DENND5B: variants seen among roughly 807,000 people sequenced by gnomAD.
DENND5B encodes DENN domain-containing protein 5B.
In DENND5B, 34 loss-of-function variants were observed where a neutral mutation model predicts 140.6. The observed-to-expected ratio is 0.24, with a 90% CI of 0.18 to 0.32. The LOEUF (loss-of-function observed/expected upper bound fraction) is 0.32. DENND5B is among the 10% of genes least tolerant of loss of function. The pLI is 1.00. For synonymous variants in DENND5B, 551 were observed against 562.1 expected, an observed-to-expected ratio of 0.98 and a Z score of 0.28; for missense variants, 1,142 against 1,560.2, an observed-to-expected ratio of 0.73 and a Z score of 4.52.
intron 1 of DENND5B, among the ~76,000 whole-genome samples, chr12:31,508,555 G>A (rs915616530): frequency 1.2e-4 from 19 of 152,110 alleles, no homozygotes; most frequent in African/African-American, 2.4e-5. Context: ...TGTTAGAAAC[G>A]AGACTCACTG....
intron 1 of DENND5B, among the ~76,000 whole-genome samples, chr12:31,538,888 A>C (rs1301306589): frequency 6.6e-6 from 1 of 152,160 alleles, no homozygotes. Context: ...AACAAAACAA[A>C]AAATAAAGAT....
intron 13 of DENND5B, among the ~76,000 whole-genome samples, chr12:31,412,139 G>T (rs1367225733): frequency 1.3e-5 from 2 of 152,030 alleles, no homozygotes; most frequent in Non-Finnish European, 2.9e-5. Context: ...GTAGAGACAG[G>T]GTTGTGCCAT....
At chr12:31,425,626 T>C (rs1042407103) in intron 9 of DENND5B, among the ~76,000 whole-genome samples, 4 of 152,246 alleles carry the variant, frequency 2.6e-5, no homozygotes, top group African/African-American at 9.6e-5. Context: ...TCAGTCTTAG[T>C]AGCTTTTATA....
chr12:31,514,672 C>T (rs1427246135), intron 1 of DENND5B, among the ~76,000 whole-genome samples: 1 of 151,770 alleles, frequency 6.6e-6, no homozygotes, highest in Non-Finnish European at 1.5e-5. Flanking sequence ...AAAAAATTTG[C>T]CAGGTGTGGT....
intron 4 of DENND5B, among the ~76,000 whole-genome samples, chr12:31,456,339 A>AG (rs1186642298): frequency 6.6e-6 from 1 of 151,804 alleles, no homozygotes; most frequent in Non-Finnish European, 1.5e-5. Flanking sequence ...CAAAAAAAAA[A>AG]AAAAAAAAAA....
At chr12:31,404,006 C>T (rs1295166611) in intron 14 of DENND5B, among the ~76,000 whole-genome samples, 7 of 151,158 alleles carry the variant, frequency 4.6e-5, no homozygotes, top group Admixed American at 6.6e-5. Flanking sequence ...AGATCACTTG[C>T]GCTCAGGAGT....
intron 1 of DENND5B, among the ~76,000 whole-genome samples, chr12:31,573,227 T>G (rs1457827353): frequency 1.3e-5 from 2 of 152,218 alleles, no homozygotes; most frequent in Non-Finnish European, 1.5e-5. Context: ...AATTTATACT[T>G]TAAATCCCAA....
At chr12:31,476,079 T>C (rs1051281363) in intron 3 of DENND5B, among the ~76,000 whole-genome samples, 5 of 151,800 alleles carry the variant, frequency 3.3e-5, no homozygotes, top group African/African-American at 1.2e-4. Flanking sequence ...TATGCTGAGA[T>C]TGCGCCACTG....
At chr12:31,589,786 G>C (rs1425227994) in intron 1 of DENND5B, 1 of 152,206 alleles carries the variant, frequency 6.6e-6, no homozygotes, top group Non-Finnish European at 1.5e-5. Flanking sequence ...GAGGCAAGCA[G>C]AAAGGAACAG....
intron 3 of DENND5B, among the ~76,000 whole-genome samples, chr12:31,468,979 T>C (rs1044958627): frequency 2.0e-5 from 3 of 152,032 alleles, no homozygotes; most frequent in Non-Finnish European, 1.5e-5. Context: ...TTTGCTAATA[T>C]ATTGAAAGCT....
chr12:31,549,409 AAT>A (rs1171587232), intron 1 of DENND5B, among the ~76,000 whole-genome samples: 2 of 152,078 alleles, frequency 1.3e-5, no homozygotes, highest in Non-Finnish European at 2.9e-5. Flanking sequence ...TTCTGAAACA[AAT>A]ATTATTATTT....
At chr12:31,443,290 GTCT>G (rs1944127070) in intron 6 of DENND5B, among the ~76,000 whole-genome samples, 1 of 152,128 alleles carries the variant, frequency 6.6e-6, no homozygotes, top group Non-Finnish European at 1.5e-5. Context: ...GCTCAGGCTG[GTCT>G]TCAACTCCTG....
In DENND5B at chr12:31,422,261, TCCA is replaced by T. The variant is rs766816332; in HGVS notation, c.2470+1333_2470+1335del. ...AGTGAAACCCCGTCTCTACTAAAAA[TCCA>T]AAAAAAAAAAAAAAAAATAGCTGGG... On this transcript the variant is annotated intron_variant, in intron 11 of 20. Transcript: ENST00000389082. Among the ~76,000 whole-genome samples, 75 of 14,904 alleles carry T rather than the reference TCCA, an allele frequency of 5.0e-3. 2 individuals are homozygous for T. The highest frequency in any genetic ancestry group is 0.043 in the Admixed American group (50 of 1,158). 9.8% of individuals were successfully genotyped at this position (14,904 alleles called of 152,430 possible).
intron 3 of DENND5B, chr12:31,464,973 A>G (rs1230110418): frequency 6.7e-6 from 1 of 148,818 alleles, no homozygotes; most frequent in Non-Finnish European, 1.5e-5. Context: ...CATCTAAGGC[A>G]TGTAAAATGA....
At chr12:31,437,481 C>T (rs1266475062) in intron 7 of DENND5B, among the ~76,000 whole-genome samples, 1 of 152,130 alleles carries the variant, frequency 6.6e-6, no homozygotes, top group Non-Finnish European at 1.5e-5. Flanking sequence ...GAGATGCAGT[C>T]TAACATGTAG....
intron 10 of DENND5B, 89 bp from the exon 11 acceptor site, chr12:31,423,764 T>C (rs1593127848): frequency 3.0e-6 from 4 of 1,348,010 alleles, no homozygotes; most frequent in East Asian, 2.3e-5. Flanking sequence ...CCAATAGCCA[T>C]TTAGAAGTCT....
chr12:31,405,700 A>AC (rs533541248), intron 14 of DENND5B, among the ~76,000 whole-genome samples: 436 of 149,856 alleles, frequency 2.9e-3, no homozygotes, highest in South Asian at 7.6e-3. Flanking sequence ...GGGGCTTGCC[A>AC]CCGTGCCCAG....
chr12:31,475,249 T>C (rs79648390), intron 3 of DENND5B, among the ~76,000 whole-genome samples: 2,562 of 152,318 alleles, frequency 0.017, 73 homozygotes, highest in African/African-American at 0.058. Flanking sequence ...ATAAATTTAC[T>C]GTATGGCAAT....
intron 1 of DENND5B, among the ~76,000 whole-genome samples, chr12:31,583,308 A>AGAG (rs376642551): frequency 6.9e-6 from 1 of 145,468 alleles, no homozygotes; most frequent in Non-Finnish European, 1.5e-5. Context: ...AAAAAAAAAA[A>AGAG]AGAGAGAGAG....
Sources: gnomAD v4.1 joint callset for allele counts (sites outside exome capture counted in the v4.1 genomes callset) on GRCh38, gnomAD v4.1.1 for gene constraint, MANE v1.5 for transcripts, NCBI Gene and HGNC (gene_info 2026-07-23, HGNC 2026-07-21) for gene names.